The following TBCK variants were observed in gnomAD, a reference collection of about 807,000 sequenced individuals.
TBCK encodes TBC domain-containing protein kinase-like protein.
Under a neutral mutation model 113.4 loss-of-function variants are expected in TBCK, and 99 were observed. That is an observed-to-expected ratio of 0.87 (90% CI 0.74 to 1.03). The LOEUF (loss-of-function observed/expected upper bound fraction) is 1.03, where lower values mean the gene tolerates loss of function less well. TBCK is among the 50% of genes least tolerant of loss of function. TBCK has a pLI of 0.00. For synonymous variants in TBCK, 369 were observed against 370.8 expected (o/e 1.00, Z 0.05); for missense variants, 1,045 against 1,061.3 (o/e 0.98, Z 0.21).
intron 25 of TBCK, among the ~76,000 whole-genome samples, chr4:106,052,490 T>C (rs977431852): frequency 9.9e-5 from 15 of 151,966 alleles, no homozygotes; most frequent in Middle Eastern, 3.4e-3. Flanking sequence ...TATTCTTTAG[T>C]ATTGTCCACA....
In TBCK at chr4:106,312,928, G is replaced by A. The variant is rs538891531; in HGVS notation, c.-30+3003C>T. ...AAGATAGTACTGTAGATGGGGGAGA[G>A]GGGTTGAATAAGCAGAGAAACAGAG... On this transcript the variant is annotated intron_variant, in intron 1 of 25. Transcript: ENST00000394708. Among the ~76,000 whole-genome samples, 7 of 152,222 alleles carry A rather than the reference G, an allele frequency of 4.6e-5. No homozygotes were observed. In the East Asian group the frequency reaches 1.4e-3, roughly 29 times the overall value.
At chr4:106,187,466 G>C (rs763695745) in intron 22 of TBCK, among the ~76,000 whole-genome samples, 5 of 151,754 alleles carry the variant, frequency 3.3e-5, no homozygotes, top group South Asian at 2.1e-4. Context: ...GCCCAGGCTG[G>C]AGTGCAGTGG....
intron 20 of TBCK, among the ~76,000 whole-genome samples, chr4:106,208,951 G>A (rs913985092): frequency 1.8e-4 from 27 of 152,164 alleles, no homozygotes; most frequent in East Asian, 3.9e-4. Context: ...TGGCTCAGCC[G>A]CAGAGCAAGT....
In TBCK at chr4:106,184,930, T is replaced by A. The variant is rs144381687; in HGVS notation, c.2059+8679A>T. On this transcript the variant is annotated intron_variant, in intron 22 of 25. Coordinates refer to ENST00000394708, the MANE Select transcript of TBCK (RefSeq NM_001163435.3). ...ATGAGTTAACAGTTGAGTAGGTAGATACTTTGATGCAAAGTATCTGTATCT... is the reference window on the plus strand; with the variant it reads ...ATGAGTTAACAGTTGAGTAGGTAGAAACTTTGATGCAAAGTATCTGTATCT... 9.6e-4 allele frequency among the ~76,000 whole-genome samples: 146 copies of A among 152,228 alleles called. 1 individual carries two copies. The highest frequency in any genetic ancestry group is 3.3e-3 in the African/African-American group (138 of 41,576).
chr4:106,244,507 A>C, intron 11 of TBCK, 119 bp downstream of exon 11: 1 of 956,258 alleles, frequency 1.0e-6, no homozygotes. Context: ...CCTACCAAAA[A>C]AATTTTAAAA....
chr4:106,120,246 C>T (rs982509279), intron 23 of TBCK, among the ~76,000 whole-genome samples: 7 of 152,172 alleles, frequency 4.6e-5, no homozygotes, highest in African/African-American at 9.7e-5. Context: ...CCGAATATTG[C>T]GCTTTTCGGA....
At chr4:106,307,426 T>C (rs962867929) in intron 2 of TBCK, among the ~76,000 whole-genome samples, 4 of 152,090 alleles carry the variant, frequency 2.6e-5, no homozygotes, top group Non-Finnish European at 5.9e-5. Context: ...TTAATAATTA[T>C]CATTACAAAA....
intron 24 of TBCK, among the ~76,000 whole-genome samples, chr4:106,110,793 T>C (rs1742757700): frequency 6.6e-6 from 1 of 151,872 alleles, no homozygotes; most frequent in Non-Finnish European, 1.5e-5. Context: ...ACTGCCTCCA[T>C]CTCCCTCAGC....
chr4:106,285,917 T>C (rs1225189113), intron 3 of TBCK, among the ~76,000 whole-genome samples: 2 of 152,220 alleles, frequency 1.3e-5, no homozygotes, highest in Non-Finnish European at 2.9e-5. Flanking sequence ...ACATCAACTC[T>C]ACACATATAC....
At chr4:106,102,012 A>C (rs1741612146) in intron 24 of TBCK, among the ~76,000 whole-genome samples, 1 of 152,198 alleles carries the variant, frequency 6.6e-6, no homozygotes, top group African/African-American at 2.4e-5. Flanking sequence ...CTGAAGAACA[A>C]ATATATCTGA....
At chr4:106,092,722 T>G in intron 25 of TBCK, among the ~76,000 whole-genome samples, 1 of 152,212 alleles carries the variant, frequency 6.6e-6, no homozygotes, top group East Asian at 1.9e-4. Context: ...CCTGGAACTC[T>G]AACTGGCCTG....
chr4:106,304,608 T>C (rs1313152980), intron 2 of TBCK, among the ~76,000 whole-genome samples: 1 of 152,132 alleles, frequency 6.6e-6, no homozygotes, highest in Non-Finnish European at 1.5e-5. Flanking sequence ...ACTAAAAAAA[T>C]ATTAATATTA....
rs1451660517 is a variant in TBCK, at chr4:106,044,649, G to C, written c.*1921C>G. 2 of 152,094 alleles carry C rather than the reference G, an allele frequency of 1.3e-5. No homozygotes were observed. Among genetic ancestry groups the C allele is most frequent in the Non-Finnish European group, 2.9e-5 (2 of 68,026 alleles). The allele number at this position is 152,094 out of a possible 1,614,324, so 9.4% of individuals were successfully genotyped here. ...AAAATTTATCAAAGACCTTAGGAGG[G>C]GTTAATGTGGAATACCTGCTGATCA... is the stretch of plus-strand genomic sequence containing the variant. On this transcript the variant is annotated 3_prime_UTR_variant, in exon 26 of 26. Coordinates refer to ENST00000394708, the MANE Select transcript of TBCK (RefSeq NM_001163435.3).
In TBCK at chr4:106,312,149, ATAT is replaced by A. The variant is rs770122777; in HGVS notation, c.-29-3163_-29-3161del. Among the ~76,000 whole-genome samples the A allele has an allele frequency of 8.5e-5, 13 of 152,244 alleles. No homozygotes were observed. The East Asian group carries it at 2.3e-3, about 27-fold the overall frequency. Reference sequence around the variant, plus strand: ...AAATAAAAATTCGAGTTAAAGGGAAATATTATTTACATCTGTCTGTATATACAT... The same window carrying A: ...AAATAAAAATTCGAGTTAAAGGGAAATATTTACATCTGTCTGTATATACAT... On this transcript the variant is annotated intron_variant, in intron 1 of 25. Transcript: ENST00000394708.
intron 20 of TBCK, among the ~76,000 whole-genome samples, chr4:106,201,007 CTT>C (rs1375446182): frequency 6.6e-6 from 1 of 151,706 alleles, no homozygotes; most frequent in African/African-American, 2.4e-5. Context: ...AAAAATTAAA[CTT>C]GAGATTTTGT....
chr4:106,152,523 T>C (rs983968222), intron 23 of TBCK, among the ~76,000 whole-genome samples: 15 of 152,038 alleles, frequency 9.9e-5, no homozygotes, highest in African/African-American at 3.6e-4. Context: ...AACATTCATC[T>C]GTAATATTGG....
At chr4:106,073,502 G>C (rs990685480) in intron 25 of TBCK, among the ~76,000 whole-genome samples, 2 of 152,172 alleles carry the variant, frequency 1.3e-5, no homozygotes, top group African/African-American at 4.8e-5. Context: ...GTATCAGAGG[G>C]GCACCTGGGT....
intron 3 of TBCK, among the ~76,000 whole-genome samples, chr4:106,285,978 T>C (rs1335680104): frequency 1.3e-5 from 2 of 152,198 alleles, no homozygotes; most frequent in Non-Finnish European, 2.9e-5. Context: ...AAAAGTCAAA[T>C]AGTTCTCAGC....
chr4:106,116,228 C>T lies in TBCK; in HGVS notation c.2386G>A (p.Val796Met), dbSNP rs770665564. Residue 796 changes from valine (V) to methionine (M), a missense_variant, in exon 24 of 26, where the codon GTG becomes ATG. Val to Met is a conservative substitution (Grantham distance 21). Coordinates refer to ENST00000394708, the MANE Select transcript of TBCK (RefSeq NM_001163435.3). ...TCTTCACTATTCCGGATGTCAACCA[C>T]CAGGAGCTTTGGTTTACTGGACTTT... ...KTKSSKPKLLVVDIRNSEDFI... is the reference protein window; with the variant it reads ...KTKSSKPKLLMVDIRNSEDFI... 6.2e-6 allele frequency: 10 copies of T among 1,613,956 alleles called. No individual in the cohort carries two copies. In the Admixed American group the frequency reaches 1.5e-4, roughly 24 times the overall value.
Sources: allele counts gnomAD v4.1 joint callset (sites outside exome capture counted in the v4.1 genomes callset), GRCh38; gene constraint gnomAD v4.1.1; transcripts MANE v1.5; gene names NCBI Gene and HGNC (gene_info 2026-07-23, HGNC 2026-07-21).